The following PARP8 variants were observed in gnomAD, a reference collection of about 807,000 sequenced individuals.
PARP8 encodes the protein poly(ADP-ribose) polymerase family member 8, also known as protein mono-ADP-ribosyltransferase PARP8.
PARP8 carries 51 observed loss-of-function variants against 124.1 expected under a neutral mutation model. The ratio of observed to expected loss-of-function variants is 0.41; its 90% CI spans 0.33 to 0.52. PARP8 has a LOEUF of 0.52. Among genes scored for constraint, PARP8 ranks in the 20% least tolerant of loss-of-function variants. The pLI is 0.21. For synonymous variants in PARP8, 391 were observed against 361.5 expected (o/e 1.08, Z -0.93); for missense variants, 860 against 1,018.9 (o/e 0.84, Z 2.12).
At chr5:50,764,006 C>T (rs1344726829) in intron 7 of PARP8, among the ~76,000 whole-genome samples, 1 of 152,172 alleles carries the variant, frequency 6.6e-6, no homozygotes, top group Non-Finnish European at 1.5e-5. Flanking sequence ...TTTGCATAAG[C>T]CGTTCTTTGA....
At chr5:50,795,802 CA>C (rs2149651881) in intron 12 of PARP8, among the ~76,000 whole-genome samples, 1 of 152,320 alleles carries the variant, frequency 6.6e-6, no homozygotes, top group African/African-American at 2.4e-5. Context: ...TGGAGGACCA[CA>C]TTTTTCTTGT....
chr5:50,776,709 C>A (rs959104679), intron 7 of PARP8, among the ~76,000 whole-genome samples: 1 of 152,028 alleles, frequency 6.6e-6, no homozygotes, highest in African/African-American at 2.4e-5. Flanking sequence ...AGAAAAAGAT[C>A]CCCTAGATTC....
chr5:50,746,449 C>T (rs1308992744), intron 2 of PARP8, among the ~76,000 whole-genome samples: 1 of 152,164 alleles, frequency 6.6e-6, no homozygotes, highest in East Asian at 1.9e-4. Context: ...TGATATTCTA[C>T]TGTAGGTACA....
chr5:50,675,852 T>C (rs1176728720), intron 2 of PARP8, among the ~76,000 whole-genome samples: 1 of 152,002 alleles, frequency 6.6e-6, no homozygotes, highest in Non-Finnish European at 1.5e-5. Flanking sequence ...AAAAAAAAAG[T>C]CGCAGAAATA....
chr5:50,820,469 T>C (rs77043789), intron 15 of PARP8, among the ~76,000 whole-genome samples: 3,855 of 152,278 alleles, frequency 0.025, 164 homozygotes, highest in African/African-American at 0.088. Flanking sequence ...ATCAAACTGC[T>C]ATATAGTACT....
intron 9 of PARP8, among the ~76,000 whole-genome samples, chr5:50,784,072 A>G (rs1231393754): frequency 2.0e-5 from 3 of 152,312 alleles, no homozygotes; most frequent in East Asian, 3.9e-4. Context: ...AGTGTTTGCA[A>G]TGTGTCTTTG....
intron 25 of PARP8, among the ~76,000 whole-genome samples, chr5:50,835,975 T>C (rs1747537412): frequency 6.6e-6 from 1 of 152,126 alleles, no homozygotes; most frequent in Non-Finnish European, 1.5e-5. Context: ...GTTTTGTACT[T>C]TATGTAGTAT....
At chr5:50,815,335 C>A in intron 14 of PARP8, 97 bp from the exon 15 acceptor site, 2 of 812,040 alleles carry the variant, frequency 2.5e-6, no homozygotes, top group Non-Finnish European at 1.8e-6. Flanking sequence ...ACACTTAAAC[C>A]TTGCATTTTC....
intron 14 of PARP8, among the ~76,000 whole-genome samples, chr5:50,802,531 C>T (rs1211075331): frequency 6.6e-6 from 1 of 152,066 alleles, no homozygotes; most frequent in Non-Finnish European, 1.5e-5. Flanking sequence ...CTATGTTGAG[C>T]AGGCTAGTCT....
At chr5:50,816,700 C>T (rs945531036) in intron 15 of PARP8, among the ~76,000 whole-genome samples, 5 of 152,098 alleles carry the variant, frequency 3.3e-5, no homozygotes, top group East Asian at 1.9e-4. Flanking sequence ...ACTATAGCTT[C>T]GTATTTCCCC....
chr5:50,784,234 T>A (rs900533099), intron 9 of PARP8, among the ~76,000 whole-genome samples: 1 of 152,190 alleles, frequency 6.6e-6, no homozygotes, highest in Non-Finnish European at 1.5e-5. Context: ...AATATTTGGC[T>A]ACAGCTAATC....
chr5:50,723,116 ATAG>A (rs1756067394), intron 2 of PARP8, among the ~76,000 whole-genome samples: 1 of 152,098 alleles, frequency 6.6e-6, no homozygotes, highest in African/African-American at 2.4e-5. Context: ...TTACATGCAA[ATAG>A]TAGTAGTAAG....
At chr5:50,709,787 A>G (rs1431812150) in intron 2 of PARP8, among the ~76,000 whole-genome samples, 1 of 151,398 alleles carries the variant, frequency 6.6e-6, no homozygotes, top group Admixed American at 6.6e-5. Flanking sequence ...CCAAGGAACC[A>G]AAAGAGAGAT....
intron 14 of PARP8, among the ~76,000 whole-genome samples, chr5:50,806,225 G>A (rs1363738294): frequency 6.6e-6 from 1 of 151,978 alleles, no homozygotes; most frequent in Non-Finnish European, 1.5e-5. Flanking sequence ...GTGTTACTGT[G>A]CTAGTAAGTA....
intron 9 of PARP8, among the ~76,000 whole-genome samples, chr5:50,787,879 A>C (rs1741442531): frequency 6.7e-6 from 1 of 150,302 alleles, no homozygotes; most frequent in Non-Finnish European, 1.5e-5. Context: ...TTAGTTACCG[A>C]TTTAAACATA....
intron 22 of PARP8, among the ~76,000 whole-genome samples, chr5:50,831,917 G>T (rs558338839): frequency 6.6e-6 from 1 of 152,256 alleles, no homozygotes; most frequent in South Asian, 2.1e-4. Flanking sequence ...GATTTTGAGG[G>T]CTGAAAGTGT....
intron 2 of PARP8, among the ~76,000 whole-genome samples, chr5:50,684,020 A>T (rs1387646554): frequency 6.6e-6 from 1 of 152,162 alleles, no homozygotes; most frequent in East Asian, 1.9e-4. Flanking sequence ...AACTGTACAC[A>T]ATTTCCTATG....
chr5:50,668,038 A>G (rs898763797), intron 1 of PARP8, 33 bp from the exon 2 acceptor site: 1 of 1,611,832 alleles, frequency 6.2e-7, no homozygotes, highest in Non-Finnish European at 8.5e-7. Context: ...AATCCACTCC[A>G]GGGGTAGCTT....
At chr5:50,703,772 G>A (rs1753835404) in intron 2 of PARP8, among the ~76,000 whole-genome samples, 1 of 151,336 alleles carries the variant, frequency 6.6e-6, no homozygotes, top group Admixed American at 6.6e-5. Context: ...TTAGCCAGGT[G>A]TGGTGTTGTG....
Sources: gnomAD v4.1 joint callset for allele counts (sites outside exome capture counted in the v4.1 genomes callset) on GRCh38, gnomAD v4.1.1 for gene constraint, MANE v1.5 for transcripts, NCBI Gene and HGNC (gene_info 2026-07-23, HGNC 2026-07-21) for gene names.